The following PPFIA2 variants were observed in gnomAD, a reference collection of about 807,000 sequenced individuals.
The protein encoded by PPFIA2 is liprin-alpha-2.
Under a neutral mutation model 175.5 loss-of-function variants are expected in PPFIA2, and 46 were observed. That is an observed-to-expected ratio of 0.26 (90% CI 0.21 to 0.34). The LOEUF (loss-of-function observed/expected upper bound fraction) is 0.34, where lower values mean the gene tolerates loss of function less well. Among genes scored for constraint, PPFIA2 ranks in the 10% least tolerant of loss-of-function variants. The pLI, the probability that PPFIA2 is intolerant of heterozygous loss-of-function variation, is 1.00. For synonymous variants in PPFIA2, 568 were observed against 511.4 expected, an observed-to-expected ratio of 1.11 and a Z score of -1.49; for missense variants, 1,179 against 1,506.1, an observed-to-expected ratio of 0.78 and a Z score of 3.60.
intron 4 of PPFIA2, among the ~76,000 whole-genome samples, chr12:81,671,808 T>C (rs941987652): frequency 2.6e-5 from 4 of 151,984 alleles, no homozygotes; most frequent in African/African-American, 7.2e-5. Context: ...GAATATACCA[T>C]GGTCCCCCCA....
At chr12:81,591,991 G>A (rs1211424329) in intron 4 of PPFIA2, among the ~76,000 whole-genome samples, 1 of 152,180 alleles carries the variant, frequency 6.6e-6, no homozygotes, top group Non-Finnish European at 1.5e-5. Flanking sequence ...AAAGCAGCCA[G>A]GAAGGAGGCT....
chr12:81,394,408 G>A (rs553329642), intron 8 of PPFIA2, among the ~76,000 whole-genome samples: 59 of 152,020 alleles, frequency 3.9e-4, no homozygotes, highest in African/African-American at 1.4e-3. Context: ...AAGTACAACA[G>A]AGTTTAATTT....
At chr12:81,732,692 T>C (rs1487882887) in intron 3 of PPFIA2, among the ~76,000 whole-genome samples, 1 of 151,390 alleles carries the variant, frequency 6.6e-6, no homozygotes, top group African/African-American at 2.4e-5. Flanking sequence ...ATTAATGACA[T>C]AGATAATTGC....
chr12:81,382,120 T>C (rs1488101994), intron 9 of PPFIA2, among the ~76,000 whole-genome samples: 1 of 152,116 alleles, frequency 6.6e-6, no homozygotes, highest in Non-Finnish European at 1.5e-5. Flanking sequence ...AGAGTGTATA[T>C]GTGTAAATAA....
chr12:81,604,874 C>A (rs2060133675), intron 4 of PPFIA2, among the ~76,000 whole-genome samples: 1 of 151,634 alleles, frequency 6.6e-6, no homozygotes, highest in African/African-American at 2.4e-5. Context: ...AAAAGTATGA[C>A]TAAACTATAC....
chr12:81,268,122 ATTTTTCTTTC>A, intron 28 of PPFIA2, 35 bp from the exon 29 acceptor site: 1 of 919,884 alleles, frequency 1.1e-6, no homozygotes, highest in South Asian at 1.8e-5. Flanking sequence ...AGGATGCATT[ATTTTTCTTTC>A]TTTTTTTTTT....
At chr12:81,699,731 C>A (rs1401493688) in intron 3 of PPFIA2, among the ~76,000 whole-genome samples, 2 of 151,932 alleles carry the variant, frequency 1.3e-5, no homozygotes, top group Non-Finnish European at 2.9e-5. Context: ...TAAGCAATTT[C>A]AATTATTCTC....
intron 22 of PPFIA2, among the ~76,000 whole-genome samples, chr12:81,320,930 T>C (rs1041870893): frequency 3.0e-4 from 45 of 152,008 alleles, no homozygotes; most frequent in Non-Finnish European, 5.6e-4. Flanking sequence ...AGTTGTCAGA[T>C]AGTCCAGCAT....
chr12:81,490,055 G>A (rs542430715), intron 4 of PPFIA2, among the ~76,000 whole-genome samples: 1 of 151,834 alleles, frequency 6.6e-6, no homozygotes, highest in East Asian at 1.9e-4. Flanking sequence ...ATAAGACCTA[G>A]CATTCCTCCT....
At chr12:81,588,065 C>CA (rs975836611) in intron 4 of PPFIA2, among the ~76,000 whole-genome samples, 1 of 151,148 alleles carries the variant, frequency 6.6e-6, no homozygotes. Flanking sequence ...GAGAGACAAG[C>CA]AAAAAACTAA....
intron 3 of PPFIA2, among the ~76,000 whole-genome samples, chr12:81,710,527 A>T (rs1461607864): frequency 6.6e-6 from 1 of 152,110 alleles, no homozygotes; most frequent in Non-Finnish European, 1.5e-5. Flanking sequence ...GTATAAATAT[A>T]GTTTGAGTAT....
At position 81,276,152 on chromosome 12, in the gene PPFIA2, A is replaced by C. The variant is rs377448101; in HGVS notation, c.3310+1165T>G. On this transcript the variant is annotated intron_variant, in intron 28 of 32. Transcript: ENST00000549396. ...AAAAAAAAGCCCACGTATTATCTTA[A>C]GTGAAACAATTCAGAAACAAAGTCA... is the stretch of plus-strand genomic sequence containing the variant. Among the ~76,000 whole-genome samples the C allele has an allele frequency of 7.9e-5, 12 of 152,320 alleles. No homozygotes were observed. In the East Asian group the frequency reaches 1.3e-3, roughly 17 times the overall value.
At chr12:81,604,793 C>T (rs1399012468) in intron 4 of PPFIA2, among the ~76,000 whole-genome samples, 1 of 151,582 alleles carries the variant, frequency 6.6e-6, no homozygotes, top group Non-Finnish European at 1.5e-5. Flanking sequence ...TGAAGTTGAG[C>T]TTCAGGAAAT....
At position 81,408,726 on chromosome 12, in the gene PPFIA2, A is replaced by G. The variant is rs571955011; in HGVS notation, c.646-2823T>C. Among the ~76,000 whole-genome samples the G allele has an allele frequency of 2.6e-5, 4 of 152,356 alleles. No homozygotes were observed. The South Asian group carries it at 8.3e-4, about 32-fold the overall frequency. On this transcript the variant is annotated intron_variant, in intron 7 of 32. Transcript: ENST00000549396. ...AGTGTATACATGACAATTAGTTCCA[A>G]AAATGACATAATTTTCAACCACTAA... is the stretch of plus-strand genomic sequence containing the variant.
At chr12:81,690,497 T>C (rs2075107832) in intron 3 of PPFIA2, among the ~76,000 whole-genome samples, 1 of 151,872 alleles carries the variant, frequency 6.6e-6, no homozygotes, top group South Asian at 2.1e-4. Context: ...ACCCTCCCAC[T>C]CCTCCTCCCC....
At chr12:81,684,421 T>C (rs2074142531) in intron 3 of PPFIA2, among the ~76,000 whole-genome samples, 1 of 152,040 alleles carries the variant, frequency 6.6e-6, no homozygotes, top group African/African-American at 2.4e-5. Flanking sequence ...AAGAGGTGAA[T>C]ACCTATCATC....
intron 4 of PPFIA2, among the ~76,000 whole-genome samples, chr12:81,653,611 C>T (rs556117237): frequency 6.6e-6 from 1 of 152,062 alleles, no homozygotes; most frequent in South Asian, 2.1e-4. Context: ...TAGGGCCCAA[C>T]CTAAATCCAG....
At chr12:81,422,464 A>G (rs928584767) in intron 7 of PPFIA2, among the ~76,000 whole-genome samples, 2 of 152,068 alleles carry the variant, frequency 1.3e-5, no homozygotes, top group Admixed American at 1.3e-4. Flanking sequence ...AGAGTGAAAA[A>G]CCTTGGAAAA....
chr12:81,447,073 C>A (rs2051428361), intron 5 of PPFIA2, among the ~76,000 whole-genome samples: 1 of 151,992 alleles, frequency 6.6e-6, no homozygotes, highest in Non-Finnish European at 1.5e-5. Context: ...CCAAGGCAGG[C>A]AGATCACGAG....
Sources: gnomAD v4.1 joint callset for allele counts (sites outside exome capture counted in the v4.1 genomes callset) on GRCh38, gnomAD v4.1.1 for gene constraint, MANE v1.5 for transcripts, NCBI Gene and HGNC (gene_info 2026-07-23, HGNC 2026-07-21) for gene names.